Variants in PHF24 observed in about 807,000 individuals in gnomAD.
PHF24 encodes PHD finger protein 24, also known as Galpha inhibitory interacting protein.
A neutral mutation model predicts 42.6 loss-of-function variants in PHF24; 25 were observed. The observed-to-expected ratio is 0.59, with a 90% CI of 0.43 to 0.82. The LOEUF is 0.82. Ranked by LOEUF, PHF24 falls within the 40% of genes least tolerant of loss-of-function variation. The pLI is 0.00. For missense variants in PHF24, 470 were observed against 538.1 expected (o/e 0.87, Z 1.25); for synonymous variants, 185 against 204.8 (o/e 0.90, Z 0.83).
chr9:34,783,837 T>C, the PHF24 span, among the ~76,000 whole-genome samples: 7 of 152,236 alleles, frequency 4.6e-5, no homozygotes, highest in African/African-American at 1.4e-4. Context: ...GAATACAACC[T>C]GAACTCCAGT....
chr9:34,959,174 T>TAGGA (rs1275650374), intron 1 of PHF24, among the ~76,000 whole-genome samples: 1 of 152,156 alleles, frequency 6.6e-6, no homozygotes, highest in Non-Finnish European at 1.5e-5. Context: ...AAAGCAAAGA[T>TAGGA]AGGAGATTTG....
chr9:34,722,750 C>T, the PHF24 span, among the ~76,000 whole-genome samples: 14 of 152,214 alleles, frequency 9.2e-5, no homozygotes. Flanking sequence ...TGTCTGTCTC[C>T]ACAGCCCTGA....
chr9:34,689,559 G>T, the PHF24 span: 1 of 496,928 alleles, frequency 2.0e-6, no homozygotes, highest in Non-Finnish European at 3.6e-6. This position sits in a 1 kb window ranked among gnomAD's most constrained non-coding sequence, Gnocchi z 4.1. Context: ...TCTGTAACAG[G>T]TTGTGATCAA....
chr9:34,747,996 C>A, the PHF24 span, among the ~76,000 whole-genome samples: 1 of 152,032 alleles, frequency 6.6e-6, no homozygotes, highest in Non-Finnish European at 1.5e-5. Context: ...TACTCCTATA[C>A]GTAACTGCAC....
chr9:34,901,317 C>A, the PHF24 span, among the ~76,000 whole-genome samples: 1 of 152,196 alleles, frequency 6.6e-6, no homozygotes, highest in African/African-American at 2.4e-5. Context: ...CAACATTCTT[C>A]ATGAACATGA....
chr9:34,683,915 G>A, the PHF24 span, among the ~76,000 whole-genome samples: 6,771 of 152,268 alleles, frequency 0.044, 235 homozygotes, highest in South Asian at 0.069. Flanking sequence ...CATTGTCCTG[G>A]CCACTTGGCA....
chr9:34,782,904 C>G, the PHF24 span, among the ~76,000 whole-genome samples: 2 of 152,178 alleles, frequency 1.3e-5, no homozygotes, highest in African/African-American at 4.8e-5. Flanking sequence ...ATCAGAAAAG[C>G]CTCAAATACT....
chr9:34,691,247 G>T, the PHF24 span: 1 of 904,822 alleles, frequency 1.1e-6, no homozygotes, highest in Non-Finnish European at 1.7e-6. Flanking sequence ...GGGGTGAAAT[G>T]CAAGGTGTGA....
chr9:34,788,785 G>T, the PHF24 span, among the ~76,000 whole-genome samples: 1 of 152,132 alleles, frequency 6.6e-6, no homozygotes, highest in Non-Finnish European at 1.5e-5. Flanking sequence ...CCCCAAACAT[G>T]CATACTAGGT....
chr9:34,690,380 C>G, the PHF24 span: 1 of 1,606,330 alleles, frequency 6.2e-7, no homozygotes, highest in Non-Finnish European at 8.5e-7. Context: ...CACAGGGACC[C>G]TTGAGGGTGG....
At chr9:34,939,233 C>T in the PHF24 span, among the ~76,000 whole-genome samples, 29 of 151,978 alleles carry the variant, frequency 1.9e-4, no homozygotes, top group African/African-American at 6.8e-4. Context: ...GAGCCAAGAT[C>T]GTGCCATTGC....
chr9:34,762,753 T>C, the PHF24 span, among the ~76,000 whole-genome samples: 2 of 152,186 alleles, frequency 1.3e-5, no homozygotes, highest in Middle Eastern at 6.3e-3. Flanking sequence ...TTTGGTGTTT[T>C]AGACATGAAG....
the PHF24 span, among the ~76,000 whole-genome samples, chr9:34,853,827 CAAA>C: frequency 4.0e-5 from 3 of 74,796 alleles, no homozygotes; most frequent in African/African-American, 5.5e-5. Context: ...GACTCCGTCT[CAAA>C]AAAAAAAAAA....
chr9:34,886,255 T>TAAA, the PHF24 span, among the ~76,000 whole-genome samples: 22 of 137,410 alleles, frequency 1.6e-4, no homozygotes, highest in South Asian at 2.4e-4. Context: ...TCTCCTGTCT[T>TAAA]AAAAAAAAAA....
chr9:34,956,561 A>T (rs933671674), upstream of PHF24, among the ~76,000 whole-genome samples: 2 of 152,182 alleles, frequency 1.3e-5, no homozygotes, highest in Admixed American at 6.5e-5. Context: ...CACAATATAA[A>T]TTTTTTTGAA....
At chr9:34,675,147 T>C in the PHF24 span, among the ~76,000 whole-genome samples, 4 of 152,198 alleles carry the variant, frequency 2.6e-5, no homozygotes, top group South Asian at 2.1e-4. Flanking sequence ...TGTGAGCCAC[T>C]GCGCTGGGCA....
chr9:34,720,833 C>A, the PHF24 span, among the ~76,000 whole-genome samples: 1 of 152,190 alleles, frequency 6.6e-6, no homozygotes, highest in African/African-American at 2.4e-5. Context: ...CAGATATCAG[C>A]AGCAGCTTTG....
the PHF24 span, among the ~76,000 whole-genome samples, chr9:34,742,087 A>G: frequency 6.6e-6 from 1 of 152,224 alleles, no homozygotes; most frequent in Non-Finnish European, 1.5e-5. Context: ...CTTCAAAATC[A>G]CAATTGAAAT....
the PHF24 span, chr9:34,728,532 CCAGAGGTCA>C: frequency 7.0e-7 from 1 of 1,431,128 alleles, no homozygotes; most frequent in Non-Finnish European, 9.6e-7. Flanking sequence ...GCTCTTGGCT[CCAGAGGTCA>C]CAGAGGGACA....
Sources: allele counts gnomAD v4.1 joint callset (sites outside exome capture counted in the v4.1 genomes callset), GRCh38; gene constraint gnomAD v4.1.1; non-coding constraint Gnocchi (gnomAD v3.1); transcripts MANE v1.5; gene names NCBI Gene and HGNC (gene_info 2026-07-23, HGNC 2026-07-21).